CCDC39: variants seen among roughly 807,000 people sequenced by gnomAD.
CCDC39 encodes the protein coiled-coil domain 39 molecular ruler complex subunit.
A neutral mutation model predicts 121.0 loss-of-function variants in CCDC39; 113 were observed. That is an observed-to-expected ratio of 0.93 (90% confidence interval 0.80 to 1.09). The LOEUF is 1.09. Ranked by LOEUF, CCDC39 falls within the 50% of genes least tolerant of loss-of-function variation. The pLI is 0.00. For missense variants in CCDC39, 1,063 were observed against 1,074.7 expected (o/e 0.99, Z 0.15); for synonymous variants, 349 against 352.2 (o/e 0.99, Z 0.10).
intron 9 of CCDC39, among the ~76,000 whole-genome samples, chr3:180,650,010 C>T (rs568915338): frequency 8.5e-4 from 130 of 152,216 alleles, no homozygotes; most frequent in African/African-American, 3.0e-3. Flanking sequence ...AAGCTGGATC[C>T]CATCCAAATA....
At chr3:180,659,807 T>G (rs760022315) in intron 4 of CCDC39, 38 bp from the exon 5 acceptor site, 1 of 1,350,004 alleles carries the variant, frequency 7.4e-7, no homozygotes, top group Non-Finnish European at 1.0e-6. Flanking sequence ...ATAATTCTCA[T>G]TCTATTAATT....
intron 15 of CCDC39, 78 bp from the exon 16 acceptor site, chr3:180,619,443 A>G (rs966138207): frequency 2.0e-5 from 15 of 754,634 alleles, no homozygotes; most frequent in African/African-American, 5.4e-5. Context: ...TGTAAATTGC[A>G]CCAATATTTT....
At chr3:180,678,227 T>A (rs113048986) in intron 1 of CCDC39, among the ~76,000 whole-genome samples, 6 of 152,310 alleles carry the variant, frequency 3.9e-5, no homozygotes, top group African/African-American at 1.4e-4. Flanking sequence ...CAGTGCTAGA[T>A]CCCTTACATT....
At chr3:180,623,075 ATTT>A (rs568674756) in intron 14 of CCDC39, among the ~76,000 whole-genome samples, 1 of 122,520 alleles carries the variant, frequency 8.2e-6, no homozygotes, top group African/African-American at 3.6e-5. Flanking sequence ...TTGTTTGGAG[ATTT>A]TTATTATTAT....
rs117275559 is a variant in CCDC39 at position 180,669,841 on chromosome 3, G to A, written c.91-5855C>T. Among the ~76,000 whole-genome samples, 62 of 152,096 alleles carry A rather than the reference G, an allele frequency of 4.1e-4. No homozygotes were observed. In the East Asian group the frequency reaches 5.2e-3, roughly 13 times the overall value. On this transcript the variant is annotated intron_variant, in intron 1 of 19. Transcript: ENST00000476379. ...TATAAAAATTTTTAAAAATGTACAC[G>A]TCACAAGGCTGCATCAGATCGTTGA...
intron 14 of CCDC39, among the ~76,000 whole-genome samples, chr3:180,629,036 C>G (rs999340077): frequency 2.0e-5 from 3 of 152,188 alleles, no homozygotes; most frequent in African/African-American, 7.2e-5. Flanking sequence ...AACTTAACTT[C>G]TAATTGGCAA....
At chr3:180,628,831 A>G (rs1234204457) in intron 14 of CCDC39, among the ~76,000 whole-genome samples, 1 of 152,226 alleles carries the variant, frequency 6.6e-6, no homozygotes, top group Non-Finnish European at 1.5e-5. Flanking sequence ...AGTGGTTAGC[A>G]TTGTAATCAA....
intron 1 of CCDC39, among the ~76,000 whole-genome samples, chr3:180,676,117 T>G (rs1178288291): frequency 5.3e-5 from 8 of 152,086 alleles, no homozygotes. Context: ...CCAAAAGCAA[T>G]GGCAACAAAA....
chr3:180,666,149 T>G (rs1285853528), intron 1 of CCDC39, among the ~76,000 whole-genome samples: 1 of 152,110 alleles, frequency 6.6e-6, no homozygotes, highest in African/African-American at 2.4e-5. Flanking sequence ...GCCCCTGACA[T>G]CCACCATTCC....
intron 1 of CCDC39, among the ~76,000 whole-genome samples, chr3:180,675,337 C>T (rs1415159818): frequency 1.3e-5 from 2 of 152,108 alleles, no homozygotes; most frequent in Non-Finnish European, 2.9e-5. Context: ...TCCTCTTTAT[C>T]ATTTTTTATT....
At chr3:180,651,320 G>A (rs142812782) in intron 9 of CCDC39, 81 bp downstream of exon 9, 81 of 1,182,328 alleles carry the variant, frequency 6.9e-5, no homozygotes, top group Admixed American at 3.2e-4. Context: ...AGACCTCCTC[G>A]TCCTCTGATC....
chr3:180,640,287 G>C (rs184472167), intron 13 of CCDC39, among the ~76,000 whole-genome samples: 59 of 151,734 alleles, frequency 3.9e-4, no homozygotes, highest in South Asian at 2.3e-3. Flanking sequence ...AGGTAAAAAA[G>C]AAAAAATGGC....
intron 1 of CCDC39, 73 bp from the exon 2 acceptor site, chr3:180,664,059 A>G (rs1711810735): frequency 7.3e-7 from 1 of 1,363,492 alleles, no homozygotes; most frequent in East Asian, 2.3e-5. Flanking sequence ...AAAATCAAAG[A>G]AAATTAAATT....
intron 9 of CCDC39, among the ~76,000 whole-genome samples, chr3:180,650,905 A>G (rs146842946): frequency 6.6e-6 from 1 of 151,480 alleles, no homozygotes; most frequent in African/African-American, 2.4e-5. Context: ...AGACATCAAA[A>G]TTAGTAGCTT....
chr3:180,619,303 T>A lies in CCDC39; in HGVS notation c.2221A>T (p.Arg741Ter). Reference protein sequence around the residue: ...EQKRAVDEKYRYKQRQIRELQ... With the variant: ...EQKRAVDEKY Reference sequence around the variant, plus strand: ...TCTCTGATTTGTCTTTGTTTGTATCTGTATTTTTCATCAACAGCTCTTTTT... The same window carrying A: ...TCTCTGATTTGTCTTTGTTTGTATCAGTATTTTTCATCAACAGCTCTTTTT... Residue 741 changes from arginine (R) to a stop codon, truncating the protein, a stop_gained, in exon 16 of 20, where the codon AGA becomes TGA. Coordinates refer to ENST00000476379, the MANE Select transcript of CCDC39 (RefSeq NM_181426.2). LOFTEE classifies it high-confidence loss of function. 6.5e-7 allele frequency: 1 copy of A among 1,547,376 alleles called. No homozygotes were observed. The highest frequency in any genetic ancestry group is 8.7e-7 in the Non-Finnish European group (1 of 1,143,074).
At chr3:180,659,638 C>T (rs746761136) in intron 5 of CCDC39, 39 bp downstream of exon 5, 1 of 1,604,686 alleles carries the variant, frequency 6.2e-7, no homozygotes, top group Non-Finnish European at 8.5e-7. Flanking sequence ...GCAAACATCA[C>T]CTTGAAAATT....
chr3:180,645,762 A>C (rs1718053650), intron 11 of CCDC39, among the ~76,000 whole-genome samples: 1 of 152,154 alleles, frequency 6.6e-6, no homozygotes, highest in Non-Finnish European at 1.5e-5. Context: ...AACTAGCTTT[A>C]ATATAATTTG....
chr3:180,660,598 T>A lies in CCDC39; in HGVS notation c.488A>T (p.Tyr163Phe). 1 of 1,595,214 alleles carries A rather than the reference T, an allele frequency of 6.3e-7. No individual in the cohort carries two copies. The highest frequency in any genetic ancestry group is 8.6e-7 in the Non-Finnish European group (1 of 1,169,014). ...KDSDALTLQK[Y>F]AQQDDNKIRA... ...GATTTTATTATCATCTTGTTGTGCA[T>A]ACTTCTGGAGAGTGAGAGCATCACT... The change falls in exon 4 of 20, where the codon TAT (tyrosine) becomes TTT (phenylalanine). Residue 163 changes from tyrosine to phenylalanine, a missense_variant. Transcript: ENST00000476379.
At chr3:180,633,993 G>T (rs1226800935) in intron 13 of CCDC39, among the ~76,000 whole-genome samples, 1 of 152,126 alleles carries the variant, frequency 6.6e-6, no homozygotes, top group Non-Finnish European at 1.5e-5. Context: ...TATCCCTGCT[G>T]CCCTTGATTT....
Sources: gnomAD v4.1 joint callset for allele counts (sites outside exome capture counted in the v4.1 genomes callset) on GRCh38, gnomAD v4.1.1 for gene constraint, MANE v1.5 for transcripts, NCBI Gene and HGNC (gene_info 2026-07-23, HGNC 2026-07-21) for gene names.